APBB2: variants seen among roughly 807,000 people sequenced by gnomAD.
APBB2 encodes amyloid beta precursor protein binding family B member 2.
Under a neutral mutation model 82.5 loss-of-function variants are expected in APBB2, and 38 were observed. The observed-to-expected ratio is 0.46, with a 90% CI of 0.36 to 0.60. The LOEUF (loss-of-function observed/expected upper bound fraction) is 0.60, where lower values mean the gene tolerates loss of function less well. Ranked by LOEUF, APBB2 falls within the 20% of genes least tolerant of loss-of-function variation. APBB2 has a pLI of 0.00. For missense variants in APBB2, 772 were observed against 972.3 expected, an observed-to-expected ratio of 0.79 and a Z score of 2.74; for synonymous variants, 341 against 368.2, an observed-to-expected ratio of 0.93 and a Z score of 0.85.
chr4:41,076,060 T>C (rs943883139), intron 3 of APBB2, among the ~76,000 whole-genome samples: 2 of 152,160 alleles, frequency 1.3e-5, no homozygotes, highest in African/African-American at 4.8e-5. Flanking sequence ...GAGGCAGAGA[T>C]AAGTTCATGA....
intron 12 of APBB2, among the ~76,000 whole-genome samples, chr4:40,872,668 G>T (rs1283348277): frequency 6.6e-6 from 1 of 152,130 alleles, no homozygotes; most frequent in East Asian, 1.9e-4. Flanking sequence ...GAATTCTACG[G>T]CTTGACATCT....
chr4:40,988,647 A>AG (rs1801092145), intron 6 of APBB2, among the ~76,000 whole-genome samples: 1 of 93,696 alleles, frequency 1.1e-5, no homozygotes, highest in African/African-American at 4.3e-5. Flanking sequence ...CAAAAAAAAA[A>AG]AAAAAAAAGA....
chr4:40,956,534 A>G (rs1318485918), intron 6 of APBB2, among the ~76,000 whole-genome samples: 1 of 152,088 alleles, frequency 6.6e-6, no homozygotes, highest in African/African-American at 2.4e-5. Context: ...AGGTCTTGAA[A>G]TGTCTACCAC....
At chr4:40,897,775 G>A (rs1774108428) in intron 10 of APBB2, among the ~76,000 whole-genome samples, 1 of 152,080 alleles carries the variant, frequency 6.6e-6, no homozygotes, top group African/African-American at 2.4e-5. Flanking sequence ...TGCAATGTTT[G>A]GTGCTGCCCC....
chr4:40,942,457 C>T (rs1469969680), intron 7 of APBB2, among the ~76,000 whole-genome samples: 3 of 151,908 alleles, frequency 2.0e-5, no homozygotes, highest in Non-Finnish European at 4.4e-5. Flanking sequence ...ACATCCCACC[C>T]TAACCCCAGC....
intron 6 of APBB2, among the ~76,000 whole-genome samples, chr4:40,969,457 CAG>C (rs1795433321): frequency 6.6e-6 from 1 of 152,178 alleles, no homozygotes; most frequent in Admixed American, 6.5e-5. Flanking sequence ...CATATGTTTT[CAG>C]ATTATTATTA....
chr4:41,101,519 C>T (rs1474016630), intron 2 of APBB2, among the ~76,000 whole-genome samples: 5 of 129,846 alleles, frequency 3.9e-5, no homozygotes, highest in Middle Eastern at 5.3e-3. Context: ...ATCACAACAA[C>T]TTAAGGAAAG....
At position 41,092,989 on chromosome 4, in the gene APBB2, G is replaced by A. The variant is rs555107479; in HGVS notation, c.-149+7650C>T. Among the ~76,000 whole-genome samples the A allele has an allele frequency of 1.4e-4, 21 of 152,150 alleles. No individual in the cohort carries two copies. The East Asian group carries it at 3.7e-3, about 27-fold the overall frequency. The stretch of plus-strand genomic sequence containing the variant: ...TTCCAGAACACCTGAACTTACTGTC[G>A]ACTGAGGCTACGAGAGCTATTTAGA... On this transcript the variant is annotated intron_variant, in intron 3 of 17. Coordinates refer to ENST00000508593, the MANE Select transcript of APBB2 (RefSeq NM_004307.2).
chr4:40,847,869 C>T (rs894695809), intron 12 of APBB2, among the ~76,000 whole-genome samples: 6 of 151,646 alleles, frequency 4.0e-5, no homozygotes, highest in Non-Finnish European at 8.8e-5. Flanking sequence ...TCCAGTAGCA[C>T]GATCATAGCT....
At chr4:40,995,047 C>G (rs1246459386) in intron 6 of APBB2, among the ~76,000 whole-genome samples, 1 of 152,024 alleles carries the variant, frequency 6.6e-6, no homozygotes. Context: ...GTAGCATCAT[C>G]TCAAGGGAAA....
chr4:40,860,450 C>T (rs901594946), intron 12 of APBB2, among the ~76,000 whole-genome samples: 2 of 152,150 alleles, frequency 1.3e-5, no homozygotes, highest in African/African-American at 2.4e-5. Context: ...TATTGTCACA[C>T]GGCAACACCA....
At chr4:40,954,071 C>T (rs1032849250) in intron 6 of APBB2, among the ~76,000 whole-genome samples, 1 of 152,172 alleles carries the variant, frequency 6.6e-6, no homozygotes, top group Admixed American at 6.5e-5. Flanking sequence ...AGGGGCCTGG[C>T]TTCTGAACAA....
intron 1 of APBB2, among the ~76,000 whole-genome samples, chr4:41,152,231 C>T (rs958463677): frequency 6.6e-6 from 1 of 151,920 alleles, no homozygotes; most frequent in Non-Finnish European, 1.5e-5. Context: ...TAAAATATTT[C>T]ATACCTAGTA....
At chr4:41,202,557 C>T (rs1315791383) in intron 1 of APBB2, among the ~76,000 whole-genome samples, 1 of 152,120 alleles carries the variant, frequency 6.6e-6, no homozygotes, top group Non-Finnish European at 1.5e-5. Flanking sequence ...AGAAACCATA[C>T]TATTTTTGTT....
chr4:40,856,488 A>C (rs1175885459), intron 12 of APBB2, among the ~76,000 whole-genome samples: 4 of 152,262 alleles, frequency 2.6e-5, no homozygotes, highest in Non-Finnish European at 4.4e-5. Flanking sequence ...CCAATATCCT[A>C]AATCGTGTAA....
Position 40,893,428 on chromosome 4 carries a change from G to T in APBB2, c.1255-17C>A. 6.3e-7 allele frequency: 1 copy of T among 1,598,620 alleles called. No homozygotes were observed. Among genetic ancestry groups the T allele is most frequent in the Non-Finnish European group, 8.5e-7 (1 of 1,170,950 alleles). ...AGCAAAACACTGGAAGACAGTGAAAGAGGACAAGAAGTCACTCCATGGTTT... is the reference window on the plus strand; with the variant it reads ...AGCAAAACACTGGAAGACAGTGAAATAGGACAAGAAGTCACTCCATGGTTT... On this transcript the variant is annotated splice_polypyrimidine_tract_variant and intron_variant, in intron 10 of 17. Coordinates refer to ENST00000508593, the MANE Select transcript of APBB2 (RefSeq NM_004307.2).
At chr4:40,913,213 G>T (rs967496860) in intron 10 of APBB2, among the ~76,000 whole-genome samples, 7 of 152,198 alleles carry the variant, frequency 4.6e-5, no homozygotes, top group Non-Finnish European at 1.0e-4. Context: ...AGTCTGGGGG[G>T]TCAGAGCTGG....
chr4:41,002,847 T>C (rs1359684643), intron 6 of APBB2, among the ~76,000 whole-genome samples: 1 of 152,250 alleles, frequency 6.6e-6, no homozygotes, highest in Non-Finnish European at 1.5e-5. Context: ...ATATTGCCTT[T>C]GTAGTGCCCT....
At chr4:40,999,958 C>T (rs1214680769) in intron 6 of APBB2, among the ~76,000 whole-genome samples, 5 of 151,800 alleles carry the variant, frequency 3.3e-5, no homozygotes, top group Admixed American at 3.3e-4. Context: ...CTTTGAGAGG[C>T]CGTTGAGCCC....
Sources: allele counts gnomAD v4.1 joint callset (sites outside exome capture counted in the v4.1 genomes callset), GRCh38; gene constraint gnomAD v4.1.1; transcripts MANE v1.5; gene names NCBI Gene and HGNC (gene_info 2026-07-23, HGNC 2026-07-21).